The following EPB41L4A variants were observed in gnomAD, a reference collection of about 807,000 sequenced individuals.
EPB41L4A encodes the protein erythrocyte membrane protein band 4.1 like 4A, also known as band 4.1-like protein 4A.
A neutral mutation model predicts 108.6 loss-of-function variants in EPB41L4A; 100 were observed. The ratio of observed to expected loss-of-function variants is 0.92; its 90% CI spans 0.78 to 1.09. The LOEUF (loss-of-function observed/expected upper bound fraction) is 1.09, where lower values mean the gene tolerates loss of function less well. EPB41L4A is among the 50% of genes least tolerant of loss of function. The pLI, the probability that EPB41L4A is intolerant of heterozygous loss-of-function variation, is 0.00. For missense variants in EPB41L4A, 1,030 were observed against 842.7 expected (o/e 1.22, Z -2.75); for synonymous variants, 319 against 289.0 (o/e 1.10, Z -1.05).
chr5:112,252,291 C>A (rs1008094222), intron 9 of EPB41L4A, among the ~76,000 whole-genome samples: 1 of 152,006 alleles, frequency 6.6e-6, no homozygotes, highest in Non-Finnish European at 1.5e-5. Context: ...AAGCATTATT[C>A]CCTAGCTCTG....
chr5:112,277,283 C>G (rs1752682828), intron 3 of EPB41L4A, among the ~76,000 whole-genome samples: 1 of 152,158 alleles, frequency 6.6e-6, no homozygotes, highest in East Asian at 1.9e-4. Context: ...TTCTTTGGAA[C>G]ATGACAGATT....
At chr5:112,182,704 G>A (rs950305051) in intron 18 of EPB41L4A, among the ~76,000 whole-genome samples, 1 of 152,020 alleles carries the variant, frequency 6.6e-6, no homozygotes, top group Non-Finnish European at 1.5e-5. Flanking sequence ...AGATTTACCC[G>A]TGACTACGCT....
At chr5:112,331,316 T>C (rs1290120502) in intron 1 of EPB41L4A, among the ~76,000 whole-genome samples, 2 of 152,200 alleles carry the variant, frequency 1.3e-5, no homozygotes, top group Admixed American at 6.5e-5. Flanking sequence ...CTCCTACAAC[T>C]ACCCAGTTCT....
rs1458718278 is a variant in EPB41L4A, at chr5:112,163,489, G to A, written c.*1501C>T. On this transcript the variant is annotated 3_prime_UTR_variant, in exon 23 of 23. Transcript: ENST00000261486. ...GTTTGAGAAACTCCACTAATTAATG[G>A]CAAGGTAAAGCATGATAAGCCAGAA... The A allele has an allele frequency of 1.3e-5, 2 of 152,158 alleles. No homozygotes were observed. Among genetic ancestry groups the A allele is most frequent in the Non-Finnish European group, 2.9e-5 (2 of 68,028 alleles). 9.4% of individuals were successfully genotyped at this position (152,158 alleles called of 1,614,324 possible).
intron 2 of EPB41L4A, among the ~76,000 whole-genome samples, chr5:112,289,875 G>C (rs1464011593): frequency 1.3e-5 from 2 of 152,152 alleles, no homozygotes; most frequent in African/African-American, 4.8e-5. Context: ...ATTTTGAGAG[G>C]GCTAGTTACA....
At chr5:112,380,727 A>G (rs1244672342) in intron 1 of EPB41L4A, among the ~76,000 whole-genome samples, 1 of 152,042 alleles carries the variant, frequency 6.6e-6, no homozygotes. Flanking sequence ...AATGTCCCCA[A>G]TTATATGATG....
chr5:112,388,233 A>G (rs947974991), intron 1 of EPB41L4A, among the ~76,000 whole-genome samples: 1 of 152,230 alleles, frequency 6.6e-6, no homozygotes, highest in Non-Finnish European at 1.5e-5. Context: ...AAGGGCAAGC[A>G]GTTAAGGTCA....
In EPB41L4A at chr5:112,378,101, G is replaced by A. The variant is rs77357273; in HGVS notation, c.99+40840C>T. Among the ~76,000 whole-genome samples the A allele has an allele frequency of 7.4e-4, 113 of 152,214 alleles. 1 individual carries two copies. The East Asian group carries it at 0.019, about 26-fold the overall frequency. ...TAAGGATTCATGTTTCCATCTGCAC[G>A]GAGAAATTTATTTCAACATAAAAAG... On this transcript the variant is annotated intron_variant, in intron 1 of 22. Coordinates refer to ENST00000261486, the MANE Select transcript of EPB41L4A (RefSeq NM_022140.5).
At chr5:112,225,287 T>C (rs1172798074) in intron 12 of EPB41L4A, among the ~76,000 whole-genome samples, 2 of 152,234 alleles carry the variant, frequency 1.3e-5, no homozygotes, top group Admixed American at 6.5e-5. Context: ...TGCCATCTTA[T>C]GTACTTTAAT....
At chr5:112,250,300 C>T (rs962762324) in intron 9 of EPB41L4A, among the ~76,000 whole-genome samples, 47 of 152,178 alleles carry the variant, frequency 3.1e-4, no homozygotes, top group African/African-American at 1.1e-3. Context: ...ATATTTACAT[C>T]GTATTCCAGT....
chr5:112,167,862 A>C (rs1760344651), intron 22 of EPB41L4A, among the ~76,000 whole-genome samples: 1 of 152,248 alleles, frequency 6.6e-6, no homozygotes, highest in Non-Finnish European at 1.5e-5. Flanking sequence ...AGGGCCATAC[A>C]TGATAGATAC....
At chr5:112,161,277 G>T, downstream of EPB41L4A, 1 of 335,308 alleles carries the variant, frequency 3.0e-6, no homozygotes, top group Non-Finnish European at 5.9e-6. Context: ...CTCGTCGGGA[G>T]TGATCACCTA....
chr5:112,294,096 C>T (rs913988638), intron 2 of EPB41L4A, among the ~76,000 whole-genome samples: 1 of 152,202 alleles, frequency 6.6e-6, no homozygotes, highest in East Asian at 1.9e-4. Flanking sequence ...TTCTAAACAG[C>T]ACCTAGTAGC....
chr5:112,314,981 A>C (rs1755340832), intron 1 of EPB41L4A, among the ~76,000 whole-genome samples: 1 of 152,146 alleles, frequency 6.6e-6, no homozygotes, highest in Non-Finnish European at 1.5e-5. Flanking sequence ...ATAATAATGG[A>C]CCTCCACTAA....
chr5:112,239,834 G>C, intron 10 of EPB41L4A, 97 bp from the exon 11 acceptor site: 1 of 628,402 alleles, frequency 1.6e-6, no homozygotes, highest in East Asian at 3.1e-5. Context: ...AAGGACTCCA[G>C]CCACTTTATA....
At chr5:112,393,671 G>A (rs78845592) in intron 1 of EPB41L4A, among the ~76,000 whole-genome samples, 1 of 152,138 alleles carries the variant, frequency 6.6e-6, no homozygotes, top group Non-Finnish European at 1.5e-5. Context: ...ACAAGGAGGA[G>A]CTGGTACCAT....
Position 112,419,051 on chromosome 5 carries a change from T to C in EPB41L4A, c.-12A>G, listed in dbSNP as rs1400723399. ...CAGAAACAGCCCATGTCGGTTGTGG[T>C]CGTCTCCAGCCAGGAGAGAAAGCTA... On this transcript the variant is annotated 5_prime_UTR_variant, in exon 1 of 23. Transcript: ENST00000261486. 12 of 1,608,562 alleles carry C rather than the reference T, an allele frequency of 7.5e-6. No individual in the cohort carries two copies. The East Asian group carries it at 2.7e-4, about 36-fold the overall frequency.
chr5:112,269,561 A>G (rs1451266258), intron 4 of EPB41L4A, among the ~76,000 whole-genome samples: 8 of 152,130 alleles, frequency 5.3e-5, no homozygotes, highest in Non-Finnish European at 8.8e-5. Context: ...GGAATGCTTG[A>G]GTCCTCATTT....
intron 17 of EPB41L4A, among the ~76,000 whole-genome samples, chr5:112,186,357 G>A (rs1418786233): frequency 6.6e-6 from 1 of 152,078 alleles, no homozygotes; most frequent in Non-Finnish European, 1.5e-5. Context: ...GAATTCAGCT[G>A]GCTACCCTCA....
Sources: gnomAD v4.1 joint callset for allele counts (sites outside exome capture counted in the v4.1 genomes callset) on GRCh38, gnomAD v4.1.1 for gene constraint, MANE v1.5 for transcripts, NCBI Gene and HGNC (gene_info 2026-07-23, HGNC 2026-07-21) for gene names.